The following DOCK9 variants were observed in gnomAD, a reference collection of about 807,000 sequenced individuals.
DOCK9 encodes the protein dedicator of cytokinesis protein 9.
DOCK9 carries 89 observed loss-of-function variants against 263.3 expected under a neutral mutation model. The observed-to-expected ratio is 0.34, with a 90% CI of 0.28 to 0.40. The LOEUF is 0.40. DOCK9 is among the 10% of genes least tolerant of loss of function. DOCK9 has a pLI of 1.00. For missense variants in DOCK9, 2,140 were observed against 2,603.4 expected, an observed-to-expected ratio of 0.82 and a Z score of 3.87; for synonymous variants, 976 against 973.1, an observed-to-expected ratio of 1.00 and a Z score of -0.06.
At chr13:99,029,177 T>G (rs538837985) in intron 1 of DOCK9, among the ~76,000 whole-genome samples, 1 of 152,164 alleles carries the variant, frequency 6.6e-6, no homozygotes, top group Admixed American at 6.5e-5. Flanking sequence ...TTTTCAGCAC[T>G]TACAGAACCA....
intron 13 of DOCK9, among the ~76,000 whole-genome samples, chr13:98,901,206 A>G (rs956850266): frequency 2.6e-5 from 4 of 152,216 alleles, no homozygotes; most frequent in Admixed American, 6.5e-5. Context: ...ATATTTAATA[A>G]TTCTATGGTA....
rs373321131 is a variant in DOCK9 at position 98,922,153 on chromosome 13, G to T, written c.487-7C>A. The T allele has an allele frequency of 1.3e-6, 2 of 1,581,748 alleles. No individual in the cohort carries two copies. The highest frequency in any genetic ancestry group is 2.7e-5 in the African/African-American group (2 of 74,256). On this transcript the variant is annotated splice_region_variant and splice_polypyrimidine_tract_variant and intron_variant, in intron 5 of 52. Coordinates refer to ENST00000682017, the MANE Select transcript of DOCK9 (RefSeq NM_001366683.2). ...AACCAAGGGAGGCAGCATCCTAGGAGAGAAGGAAAACACCAGCAGTCAACC... is the reference window on the plus strand; with the variant it reads ...AACCAAGGGAGGCAGCATCCTAGGATAGAAGGAAAACACCAGCAGTCAACC...
intron 1 of DOCK9, among the ~76,000 whole-genome samples, chr13:99,000,213 C>T (rs1161553005): frequency 6.6e-6 from 1 of 152,178 alleles, no homozygotes; most frequent in Admixed American, 6.5e-5. Flanking sequence ...TTTCACAGCC[C>T]TTCTCTGAGT....
chr13:98,949,168 G>A (rs1214800874), intron 2 of DOCK9, among the ~76,000 whole-genome samples: 1 of 152,152 alleles, frequency 6.6e-6, no homozygotes, highest in African/African-American at 2.4e-5. Flanking sequence ...AACCTGTTGG[G>A]CTCAAGTGAT....
At chr13:98,947,759 G>GCCT (rs1355031793) in intron 2 of DOCK9, among the ~76,000 whole-genome samples, 2 of 152,106 alleles carry the variant, frequency 1.3e-5, no homozygotes, top group Non-Finnish European at 2.9e-5. Context: ...GCCCGCCTCA[G>GCCT]CCTCCCAAAG....
rs190078608 is a variant in DOCK9 at position 99,077,839 on chromosome 13, C to A, written c.129+8384G>T. Among the ~76,000 whole-genome samples the A allele has an allele frequency of 1.6e-4, 25 of 152,316 alleles. No individual in the cohort carries two copies. The East Asian group carries it at 4.4e-3, about 27-fold the overall frequency. On this transcript the variant is annotated intron_variant, in intron 1 of 32. Coordinates refer to the DOCK9 transcript ENST00000427887. ...TCCCAGGACAATATGGAACTAGGCT[C>A]CCAGCCCACACTCAATGGAGAGGTA...
chr13:98,975,248 G>C (rs568064381), intron 1 of DOCK9, among the ~76,000 whole-genome samples: 5 of 151,792 alleles, frequency 3.3e-5, no homozygotes, highest in Non-Finnish European at 7.4e-5. Flanking sequence ...GCATGGTGGC[G>C]GGCACCTATA....
In DOCK9 at chr13:98,904,702, G is replaced by A; in HGVS notation, c.965C>T (p.Ala322Val). 1 of 1,552,320 alleles carries A rather than the reference G, an allele frequency of 6.4e-7. No homozygotes were observed. The highest frequency in any genetic ancestry group is 8.7e-7 in the Non-Finnish European group (1 of 1,147,586). The stretch of plus-strand genomic sequence containing the variant: ...TTTCAGTTTGATTTCTGCTTCTCTT[G>A]CACTCTGATAACAAGATACATGAAA... ...DSYLPELAKS[A>V]REAEIKLKSE... is the part of the protein sequence containing the mutation. The change falls in exon 10 of 53, where the codon GCA becomes GTA. Residue 322 changes from alanine (A) to valine (V), a missense_variant. Physicochemically the swap from Ala to Val is moderately conservative, Grantham distance 64 (BLOSUM62 0). This residue lies in a region of DOCK9 where 1,521 missense variants were observed against 1,741.7 expected (regional missense o/e 0.87). Coordinates refer to ENST00000682017, the MANE Select transcript of DOCK9 (RefSeq NM_001366683.2).
rs781051563 is a variant in DOCK9 at position 98,883,810 on chromosome 13, T to A, written c.2469+3A>T. The A allele has an allele frequency of 3.3e-5, 52 of 1,596,334 alleles. No homozygotes were observed. Among genetic ancestry groups the A allele is most frequent in the Admixed American group, 5.3e-5 (3 of 56,286 alleles). On this transcript the variant is annotated splice_donor_region_variant and intron_variant, in intron 22 of 52. Coordinates refer to ENST00000682017, the MANE Select transcript of DOCK9 (RefSeq NM_001366683.2). ...CTGCTAATTTTGTTGAAGGAGCACA[T>A]ACCTGAGTATACACTGTAGAAACCA...
At chr13:98,862,156 G>T (rs947985517) in intron 32 of DOCK9, among the ~76,000 whole-genome samples, 10 of 152,312 alleles carry the variant, frequency 6.6e-5, no homozygotes, top group Non-Finnish European at 1.5e-4. Context: ...AACAAGAAAT[G>T]AAGGTGTAGT....
chr13:98,808,926 T>C (rs1160009829), intron 47 of DOCK9, among the ~76,000 whole-genome samples: 2 of 152,218 alleles, frequency 1.3e-5, no homozygotes. Flanking sequence ...CCAGAAAGTC[T>C]TAATTTTGGT....
chr13:98,995,485 CTTTT>C (rs140398881), intron 1 of DOCK9, among the ~76,000 whole-genome samples: 2,262 of 121,434 alleles, frequency 0.019, 52 homozygotes, highest in African/African-American at 0.059. Flanking sequence ...GAGGAAGATA[CTTTT>C]TTTTTTTTTT....
intron 1 of DOCK9, among the ~76,000 whole-genome samples, chr13:99,076,307 T>G (rs947294048): frequency 2.6e-5 from 4 of 152,206 alleles, no homozygotes; most frequent in African/African-American, 9.7e-5. Context: ...TACTAAATAT[T>G]TAACACAAGA....
intron 1 of DOCK9, among the ~76,000 whole-genome samples, chr13:99,044,529 A>C (rs1350567671): frequency 2.6e-5 from 4 of 152,206 alleles, no homozygotes; most frequent in Non-Finnish European, 5.9e-5. Flanking sequence ...ACCAGAAAGG[A>C]ACACCAGACT....
At chr13:98,994,698 AATTC>A (rs1490573131) in intron 1 of DOCK9, among the ~76,000 whole-genome samples, 4 of 151,924 alleles carry the variant, frequency 2.6e-5, no homozygotes, top group Non-Finnish European at 4.4e-5. Flanking sequence ...AAGATCAATT[AATTC>A]ATTGTTCCTT....
At chr13:98,984,541 AC>A (rs1239955693) in intron 1 of DOCK9, among the ~76,000 whole-genome samples, 1 of 152,248 alleles carries the variant, frequency 6.6e-6, no homozygotes, top group Non-Finnish European at 1.5e-5. Flanking sequence ...ACAGAATGTA[AC>A]TACTGATTAC....
chr13:99,070,672 T>C (rs2041630336), intron 1 of DOCK9, among the ~76,000 whole-genome samples: 1 of 152,192 alleles, frequency 6.6e-6, no homozygotes, highest in Non-Finnish European at 1.5e-5. Flanking sequence ...AAATGTCCAC[T>C]CTCTGGGTGA....
upstream of DOCK9, among the ~76,000 whole-genome samples, chr13:98,982,358 T>C (rs1419231556): frequency 6.6e-6 from 1 of 152,168 alleles, no homozygotes; most frequent in Non-Finnish European, 1.5e-5. Flanking sequence ...ACTCTCTCTG[T>C]AGAGGGAACT....
At chr13:98,865,542 TC>T (rs1040613168) in intron 30 of DOCK9, among the ~76,000 whole-genome samples, 1 of 151,994 alleles carries the variant, frequency 6.6e-6, no homozygotes. Flanking sequence ...CTCCCATATA[TC>T]CCCCCATCGA....
Sources: allele counts gnomAD v4.1 joint callset (sites outside exome capture counted in the v4.1 genomes callset), GRCh38; gene constraint gnomAD v4.1.1; regional missense constraint gnomAD v4.1.1; transcripts MANE v1.5; gene names NCBI Gene and HGNC (gene_info 2026-07-23, HGNC 2026-07-21).